The following SYCE2 variants were observed in gnomAD, a reference collection of about 807,000 sequenced individuals.
SYCE2 encodes central element synaptonemal complex 1.
A neutral mutation model predicts 27.9 loss-of-function variants in SYCE2; 3 were observed. The observed-to-expected ratio is 0.11, with a 90% CI of 0.05 to 0.28. The LOEUF (loss-of-function observed/expected upper bound fraction) is 0.28. SYCE2 is among the 10% of genes least tolerant of loss of function. SYCE2 has a pLI of 1.00. For synonymous variants in SYCE2, 85 were observed against 100.7 expected (o/e 0.84, Z 0.93); for missense variants, 207 against 263.5 (o/e 0.79, Z 1.48).
rs199999619 is a variant in SYCE2 at position 12,899,466 on chromosome 19, A to C, written c.613-81T>G. 21 of 1,614,214 alleles carry C rather than the reference A, an allele frequency of 1.3e-5. No homozygotes were observed. In the East Asian group the frequency reaches 4.5e-4, roughly 34 times the overall value. ...AACCGACTCTGTATTAATCTTGTCCAGGTACACATGACATTCACGCCCTGA... is the reference window on the plus strand; with the variant it reads ...AACCGACTCTGTATTAATCTTGTCCCGGTACACATGACATTCACGCCCTGA... On this transcript the variant is annotated intron_variant, in intron 5 of 5. Transcript: ENST00000293695.
chr19:12,915,447 A>T (rs544228381), intron 2 of SYCE2, among the ~76,000 whole-genome samples: 258 of 14,996 alleles, frequency 0.017, 1 homozygote, highest in African/African-American at 0.13. Flanking sequence ...AAAAATATAT[A>T]AAAAAAAAGC....
At chr19:12,907,714 C>G (rs920064919) in intron 2 of SYCE2, among the ~76,000 whole-genome samples, 25 of 152,184 alleles carry the variant, frequency 1.6e-4, no homozygotes, top group Admixed American at 1.3e-4. Flanking sequence ...TCGCTTGAAC[C>G]TGGGAGGCAG....
chr19:12,908,819 ATGTGGTATCCCAGAGGTC>A (rs376084820), intron 2 of SYCE2, among the ~76,000 whole-genome samples: 121 of 152,134 alleles, frequency 8.0e-4, no homozygotes, highest in African/African-American at 2.8e-3. Flanking sequence ...TACTCCCGAC[ATGTGGTATCCCAGAGGTC>A]TGTGCTTGGG....
At position 12,918,241 on chromosome 19, in the gene SYCE2, C is replaced by A. The variant is rs1367741082; in HGVS notation, c.112G>T (p.Ala38Ser). 6.2e-7 allele frequency: 1 copy of A among 1,614,082 alleles called. No homozygotes were observed. Among genetic ancestry groups the A allele is most frequent in the Non-Finnish European group, 8.5e-7 (1 of 1,180,034 alleles). ...PRWEENCEEE[A>S]GGGPASASCQ... ...CCTCACCTAGCTGGCCCTCCACCAG[C>A]TTCCTCCTCGCAGTTCTCTTCCCAC... Residue 38 changes from alanine to serine, a missense_variant, in exon 2 of 6, where the codon GCT (alanine) becomes TCT (serine). By Grantham distance (99) the Ala-to-Ser change is moderately conservative. Transcript: ENST00000293695.
intron 5 of SYCE2, 161 bp from the exon 6 acceptor site, chr19:12,899,546 C>T: frequency 6.2e-7 from 1 of 1,614,184 alleles, no homozygotes; most frequent in Non-Finnish European, 8.5e-7. Context: ...AAGTGAGCCG[C>T]TCCATCAGGG....
At chr19:12,902,957 T>A (rs2145965086) in intron 3 of SYCE2, among the ~76,000 whole-genome samples, 1 of 143,322 alleles carries the variant, frequency 7.0e-6, no homozygotes, top group Non-Finnish European at 1.5e-5. Flanking sequence ...GCCTGGCTAA[T>A]TTTTTTTTTT....
At chr19:12,917,050 T>G (rs993139014) in intron 2 of SYCE2, among the ~76,000 whole-genome samples, 1 of 150,594 alleles carries the variant, frequency 6.6e-6, no homozygotes, top group African/African-American at 2.4e-5. Flanking sequence ...GCGCCCAGCC[T>G]CTACTATATA....
At chr19:12,908,276 C>CTT (rs34286819) in intron 2 of SYCE2, among the ~76,000 whole-genome samples, 15 of 85,520 alleles carry the variant, frequency 1.8e-4, no homozygotes, top group African/African-American at 2.4e-4. Flanking sequence ...ATTTTCTGGG[C>CTT]TTTTTTTTTT....
At chr19:12,901,293 T>C (rs1426752435) in intron 3 of SYCE2, among the ~76,000 whole-genome samples, 1 of 151,946 alleles carries the variant, frequency 6.6e-6, no homozygotes, top group Non-Finnish European at 1.5e-5. Context: ...GGAGAATTGC[T>C]TGAACCTGGG....
At chr19:12,902,473 T>C (rs1470785047) in intron 3 of SYCE2, among the ~76,000 whole-genome samples, 2 of 151,986 alleles carry the variant, frequency 1.3e-5, no homozygotes, top group African/African-American at 4.8e-5. Context: ...ACAAAAAAAA[T>C]GTTTAAAGAA....
chr19:12,912,430 A>G (rs1971064713), intron 2 of SYCE2, among the ~76,000 whole-genome samples: 2 of 148,384 alleles, frequency 1.3e-5, no homozygotes, highest in African/African-American at 2.6e-5. Flanking sequence ...AAGTTTATGA[A>G]CATCAGTCCC....
At chr19:12,916,970 G>A (rs1184982365) in intron 2 of SYCE2, among the ~76,000 whole-genome samples, 2 of 151,664 alleles carry the variant, frequency 1.3e-5, no homozygotes, top group Admixed American at 6.6e-5. Context: ...GGCTGGTCTC[G>A]AAATCCTGAC....
chr19:12,902,532 G>A (rs1367597142), intron 3 of SYCE2, among the ~76,000 whole-genome samples: 2 of 152,102 alleles, frequency 1.3e-5, no homozygotes, highest in African/African-American at 4.8e-5. Flanking sequence ...CTACTTAAGA[G>A]GCAGAGGTGG....
chr19:12,912,045 C>A (rs2900660), intron 2 of SYCE2, among the ~76,000 whole-genome samples: 85,107 of 149,390 alleles, frequency 0.57, 25,227 homozygotes, highest in East Asian at 0.82. Context: ...TCAAGCAATT[C>A]TCCTGCCTCA....
At chr19:12,902,715 TGAG>T (rs1256128394) in intron 3 of SYCE2, among the ~76,000 whole-genome samples, 6 of 151,868 alleles carry the variant, frequency 4.0e-5, no homozygotes, top group African/African-American at 1.5e-4. Flanking sequence ...CTCGAGAGGC[TGAG>T]GTGAGAAGAT....
At chr19:12,901,237 A>C (rs1444461111) in intron 3 of SYCE2, among the ~76,000 whole-genome samples, 3 of 151,562 alleles carry the variant, frequency 2.0e-5, no homozygotes, top group African/African-American at 4.8e-5. Flanking sequence ...CTAACTGGGC[A>C]TGGTGGTGTG....
intron 2 of SYCE2, among the ~76,000 whole-genome samples, chr19:12,910,838 T>C (rs972221427): frequency 6.6e-6 from 1 of 151,508 alleles, no homozygotes; most frequent in Non-Finnish European, 1.5e-5. Flanking sequence ...CCACCACACC[T>C]GGCTAATTTT....
At position 12,919,273 on chromosome 19, in the gene SYCE2, C is replaced by G. The variant is rs372608259; in HGVS notation, c.-16G>C. 3.0e-5 allele frequency: 48 copies of G among 1,610,088 alleles called. No individual in the cohort carries two copies. The highest frequency in any genetic ancestry group is 4.0e-5 in the Non-Finnish European group (47 of 1,179,978). On this transcript the variant is annotated 5_prime_UTR_variant, in exon 1 of 6. Transcript: ENST00000293695. The stretch of plus-strand genomic sequence containing the variant: ...GTCGCTCCATTCCGTATTTTCCCGC[C>G]TTCAAGCTCGCACCCTCTGCGCATG...
intron 2 of SYCE2, among the ~76,000 whole-genome samples, chr19:12,909,425 C>T (rs1971003779): frequency 6.6e-6 from 1 of 152,150 alleles, no homozygotes. Context: ...TCTTCCATTC[C>T]CTTAGTTAAT....
Sources: gnomAD v4.1 joint callset for allele counts (sites outside exome capture counted in the v4.1 genomes callset) on GRCh38, gnomAD v4.1.1 for gene constraint, MANE v1.5 for transcripts, NCBI Gene and HGNC (gene_info 2026-07-23, HGNC 2026-07-21) for gene names.